The following RWDD1 variants were observed in gnomAD, a reference collection of about 807,000 sequenced individuals.
RWDD1 encodes RWD domain-containing protein 1.
Under a neutral mutation model 31.6 loss-of-function variants are expected in RWDD1, and 17 were observed. That is an observed-to-expected ratio of 0.54 (90% CI 0.37 to 0.81). The LOEUF (loss-of-function observed/expected upper bound fraction) is 0.81. RWDD1 is among the 30% of genes least tolerant of loss of function. RWDD1 has a pLI of 0.00. For synonymous variants in RWDD1, 78 were observed against 94.2 expected (o/e 0.83, Z 0.99); for missense variants, 204 against 274.5 (o/e 0.74, Z 1.82).
At chr6:116,577,864 T>A (rs578077569) in intron 1 of RWDD1, among the ~76,000 whole-genome samples, 7 of 152,206 alleles carry the variant, frequency 4.6e-5, no homozygotes, top group Non-Finnish European at 8.8e-5. Context: ...AACTGTATTT[T>A]CACCTAGTTT....
At chr6:116,582,505 C>T (rs1774964145) in intron 2 of RWDD1, among the ~76,000 whole-genome samples, 1 of 151,894 alleles carries the variant, frequency 6.6e-6, no homozygotes, top group Non-Finnish European at 1.5e-5. Context: ...TATCTAATCT[C>T]TTGGCAGTTT....
At chr6:116,578,876 T>G (rs1210403570) in intron 1 of RWDD1, among the ~76,000 whole-genome samples, 1 of 132,990 alleles carries the variant, frequency 7.5e-6, no homozygotes, top group African/African-American at 3.1e-5. Context: ...AATTGGTTTT[T>G]GGGGTTTTCT....
At position 116,571,543 on chromosome 6, in the gene RWDD1, T is replaced by G; in HGVS notation, c.-40T>G. ...GCTGTCTGGGCTGCTGCGCGCCGCC[T>G]AGGTGTCTGGGCGATCTATGGGCAA... On this transcript the variant is annotated 5_prime_UTR_variant, in exon 1 of 7. Coordinates refer to ENST00000466444, the MANE Select transcript of RWDD1 (RefSeq NM_015952.4). 1 of 1,599,084 alleles carries G rather than the reference T, an allele frequency of 6.3e-7. No individual in the cohort carries two copies. Among genetic ancestry groups the G allele is most frequent in the Non-Finnish European group, 8.5e-7 (1 of 1,171,528 alleles).
chr6:116,580,844 C>A (rs1405207437), intron 2 of RWDD1, among the ~76,000 whole-genome samples: 1 of 151,974 alleles, frequency 6.6e-6, no homozygotes, highest in Non-Finnish European at 1.5e-5. Context: ...ACTATAAAAA[C>A]CAATAAATTA....
rs184098168 is a variant in RWDD1, at chr6:116,586,620, T to C, written c.270+1763T>C. 4.1e-3 allele frequency among the ~76,000 whole-genome samples: 631 copies of C among 152,334 alleles called. 5 individuals carry two copies. The highest frequency in any genetic ancestry group is 0.014 in the African/African-American group (593 of 41,590). On this transcript the variant is annotated intron_variant, in intron 3 of 6. Coordinates refer to ENST00000466444, the MANE Select transcript of RWDD1 (RefSeq NM_015952.4). ...AATCAAGAATTAGTATATAATTCTTTCAACATTCTTATATATCACTACTTG... is the reference window on the plus strand; with the variant it reads ...AATCAAGAATTAGTATATAATTCTTCCAACATTCTTATATATCACTACTTG...
At chr6:116,584,014 G>A (rs1290575742) in intron 2 of RWDD1, among the ~76,000 whole-genome samples, 1 of 152,184 alleles carries the variant, frequency 6.6e-6, no homozygotes, top group Non-Finnish European at 1.5e-5. Flanking sequence ...GTCATTGTGA[G>A]TAATAAAAAG....
chr6:116,596,685 C>G lies in RWDD1; in HGVS notation c.*3584C>G, dbSNP rs753739602. On this transcript the variant is annotated 3_prime_UTR_variant, in exon 7 of 7. Coordinates refer to ENST00000466444, the MANE Select transcript of RWDD1 (RefSeq NM_015952.4). ...GCACAGTAAAAAAATACACAAATTT[C>G]TTTTGCAGTTATTGATTTGGAATGA... is the stretch of plus-strand genomic sequence containing the variant. 1.3e-5 allele frequency: 2 copies of G among 152,096 alleles called. No homozygotes were observed. The highest frequency in any genetic ancestry group is 2.9e-5 in the Non-Finnish European group (2 of 68,006). 9.4% of individuals were successfully genotyped at this position (152,096 alleles called of 1,614,324 possible). A position where few individuals can be genotyped will look rare whatever the true frequency, so the allele number is the denominator to read the frequency against.
chr6:116,591,558 CT>C (rs1453872547), intron 6 of RWDD1, among the ~76,000 whole-genome samples: 1 of 152,238 alleles, frequency 6.6e-6, no homozygotes, highest in Non-Finnish European at 1.5e-5. Context: ...TTGTGCTTTT[CT>C]TCTACCACCT....
intron 6 of RWDD1, among the ~76,000 whole-genome samples, chr6:116,592,333 T>C (rs1244406716): frequency 3.3e-5 from 5 of 152,214 alleles, no homozygotes; most frequent in Admixed American, 1.3e-4. Context: ...GGATTCAAAT[T>C]TATCATGAAG....
intron 2 of RWDD1, among the ~76,000 whole-genome samples, chr6:116,580,782 C>T (rs1318721795): frequency 6.6e-6 from 1 of 151,934 alleles, no homozygotes; most frequent in East Asian, 1.9e-4. Flanking sequence ...ATAAATGGGG[C>T]TGGATATATG....
intron 1 of RWDD1, among the ~76,000 whole-genome samples, chr6:116,575,095 ATTTTT>A (rs202214110): frequency 1.3e-5 from 2 of 151,350 alleles, no homozygotes; most frequent in Middle Eastern, 3.5e-3. Flanking sequence ...TCTCAAAAAA[ATTTTT>A]TTTTGAGAGA....
At chr6:116,579,587 T>G (rs1291917699) in intron 1 of RWDD1, among the ~76,000 whole-genome samples, 1 of 152,248 alleles carries the variant, frequency 6.6e-6, no homozygotes, top group Non-Finnish European at 1.5e-5. Context: ...GAATAGATGA[T>G]AAACAGAGAT....
intron 2 of RWDD1, among the ~76,000 whole-genome samples, chr6:116,584,519 G>A (rs1473738336): frequency 1.3e-5 from 2 of 152,198 alleles, no homozygotes; most frequent in Admixed American, 6.5e-5. Context: ...TGTGCTTCAC[G>A]TGTAAGTGTG....
intron 1 of RWDD1, chr6:116,572,914 C>G: frequency 1.0e-6 from 1 of 985,340 alleles, no homozygotes; most frequent in Non-Finnish European, 1.2e-6. Flanking sequence ...TTCTCTCTCA[C>G]CAGCAGTACA....
chr6:116,590,265 TCCTAAGCAA>T lies in RWDD1; in HGVS notation c.415-6_417del. The stretch of plus-strand genomic sequence containing the variant: ...AATCTGGTGACTTTTTTTTTTTATT[TCCTAAGCAA>T]TTATTCCATGGTACTCCAGTTACAA... On this transcript the variant is annotated splice_acceptor_variant and splice_polypyrimidine_tract_variant and coding_sequence_variant and intron_variant, in exon 5 of 7. Coordinates refer to ENST00000466444, the MANE Select transcript of RWDD1 (RefSeq NM_015952.4). LOFTEE classifies it high-confidence loss of function. The T allele has an allele frequency of 6.7e-7, 1 of 1,498,656 alleles. No homozygotes were observed. The highest frequency in any genetic ancestry group is 9.0e-7 in the Non-Finnish European group (1 of 1,113,252). The allele number at this position is 1,498,656 out of a possible 1,614,324, so 92.8% of individuals were successfully genotyped here. A position where few individuals can be genotyped will look rare whatever the true frequency, so the allele number is the denominator to read the frequency against.
intron 1 of RWDD1, among the ~76,000 whole-genome samples, chr6:116,577,823 T>TA (rs971619488): frequency 8.6e-5 from 13 of 151,918 alleles, no homozygotes; most frequent in African/African-American, 2.4e-4. Context: ...ATATTATTGC[T>TA]AAAAAAAAGA....
intron 2 of RWDD1, 135 bp from the exon 3 acceptor site, chr6:116,584,592 T>C (rs1775006586): frequency 1.4e-6 from 1 of 699,272 alleles, no homozygotes; most frequent in South Asian, 1.7e-5. Flanking sequence ...TTTACATTAG[T>C]GATTATCCAT....
chr6:116,593,605 T>G lies in RWDD1; in HGVS notation c.*504T>G, dbSNP rs1258623753. On this transcript the variant is annotated 3_prime_UTR_variant, in exon 7 of 7. Coordinates refer to ENST00000466444, the MANE Select transcript of RWDD1 (RefSeq NM_015952.4). ...AGTAAGATGAAGTTTAGCCTTCCTT[T>G]TAGTCCATTTTGTATTGCCGTAAAG... The G allele has an allele frequency of 6.6e-6, 1 of 152,316 alleles. No individual in the cohort carries two copies. The highest frequency in any genetic ancestry group is 1.5e-5 in the Non-Finnish European group (1 of 68,150). The allele number at this position is 152,316 out of a possible 1,614,324, so 9.4% of individuals were successfully genotyped here.
Position 116,590,377 on chromosome 6 carries a change from G to C in RWDD1, c.520G>C (p.Glu174Gln), listed in dbSNP as rs768893331. 1.3e-6 allele frequency: 2 copies of C among 1,594,518 alleles called. No individual in the cohort carries two copies. The highest frequency in any genetic ancestry group is 1.7e-6 in the Non-Finnish European group (2 of 1,173,932). ...TAAAAAGAAAAGGATGAAAGAAGAA[G>C]AACAAGCAGGAAAAAATAAATTAAG... ...EIKKKRMKEEEQAGKNKLSGK... is the reference protein window; with the variant it reads ...EIKKKRMKEEQQAGKNKLSGK... Residue 174 changes from glutamate to glutamine, a missense_variant, in exon 5 of 7, where the codon GAA becomes CAA. Coordinates refer to ENST00000466444, the MANE Select transcript of RWDD1 (RefSeq NM_015952.4).
Sources: allele counts gnomAD v4.1 joint callset (sites outside exome capture counted in the v4.1 genomes callset), GRCh38; gene constraint gnomAD v4.1.1; transcripts MANE v1.5; gene names NCBI Gene and HGNC (gene_info 2026-07-23, HGNC 2026-07-21).